Variants in GSE1 observed in about 807,000 individuals in gnomAD.
The protein encoded by GSE1 is Gse1 coiled-coil protein.
In GSE1, 32 loss-of-function variants were observed where a neutral mutation model predicts 112.6. The observed-to-expected ratio is 0.28, with a 90% CI of 0.21 to 0.38. The LOEUF is 0.38. Ranked by LOEUF, GSE1 falls within the 10% of genes least tolerant of loss-of-function variation. The pLI is 1.00. For synonymous variants in GSE1, 1,115 were observed against 735.6 expected (o/e 1.52, Z -8.35); for missense variants, 2,348 against 1,699.2 (o/e 1.38, Z -6.71).
At chr16:85,194,549 G>A in intron 1 of GSE1, among the ~76,000 whole-genome samples, 1 of 152,188 alleles carries the variant, frequency 6.6e-6, no homozygotes, top group Admixed American at 6.5e-5. Context: ...TATGGGAGGT[G>A]ACCGTGGACC....
chr16:85,293,128 C>T (rs562529787), intron 1 of GSE1, among the ~76,000 whole-genome samples: 6 of 152,240 alleles, frequency 3.9e-5, no homozygotes, highest in Non-Finnish European at 8.8e-5. Flanking sequence ...CAGCCCAGCC[C>T]CTGAGAGTCA....
chr16:85,413,382 G>A (rs1209606656), intron 2 of GSE1, among the ~76,000 whole-genome samples: 3 of 152,118 alleles, frequency 2.0e-5, no homozygotes, highest in African/African-American at 4.8e-5. Context: ...CCTGAAGTTG[G>A]GGAGATTGAT....
exon 2 of GSE1, chr16:85,357,630 C>T: frequency 2.3e-6 from 3 of 1,288,780 alleles, no homozygotes; most frequent in South Asian, 1.2e-5. Context: ...ACGGACCAGA[C>T]CTTACTGGTG....
At chr16:85,617,287 G>A (rs2048429948) in intron 1 of GSE1, among the ~76,000 whole-genome samples, 1 of 152,230 alleles carries the variant, frequency 6.6e-6, no homozygotes, top group Non-Finnish European at 1.5e-5. Context: ...CAGGCCTGGA[G>A]GAAGGAGCTG....
At chr16:85,564,779 G>T (rs190328537) in intron 1 of GSE1, among the ~76,000 whole-genome samples, 1 of 152,326 alleles carries the variant, frequency 6.6e-6, no homozygotes, top group African/African-American at 2.4e-5. Flanking sequence ...CTGTGCGGAA[G>T]GGGTAGCTGT....
intron 1 of GSE1, among the ~76,000 whole-genome samples, chr16:85,333,678 A>G (rs2046422601): frequency 6.6e-6 from 1 of 152,160 alleles, no homozygotes; most frequent in African/African-American, 2.4e-5. Context: ...AAGTCTTTGG[A>G]GCTGGGCCGG....
At chr16:85,331,581 G>GTGTATATATGTATATA (rs200833629) in intron 1 of GSE1, among the ~76,000 whole-genome samples, 1 of 114,036 alleles carries the variant, frequency 8.8e-6, no homozygotes, top group Non-Finnish European at 1.9e-5. Flanking sequence ...ATGTGTACAT[G>GTGTATATATGTATATA]TGTATATATG....
intron 1 of GSE1, among the ~76,000 whole-genome samples, chr16:85,352,004 CAA>C (rs36069464): frequency 0.24 from 36,061 of 151,596 alleles, 4,840 homozygotes; most frequent in Non-Finnish European, 0.31. Flanking sequence ...CAAAAACAAA[CAA>C]AAAAAAAACC....
chr16:85,537,081 G>T (rs369607878), intron 2 of GSE1, among the ~76,000 whole-genome samples: 27 of 152,346 alleles, frequency 1.8e-4, no homozygotes, highest in Admixed American at 1.5e-3. Context: ...CAGTGAAGCC[G>T]AGATGCAGAA....
At chr16:85,270,726 C>T (rs920704970) in intron 1 of GSE1, among the ~76,000 whole-genome samples, 1 of 126,220 alleles carries the variant, frequency 7.9e-6, no homozygotes, top group Admixed American at 7.7e-5. Context: ...AGCCCAGCTC[C>T]CGCCAGCTGG....
At chr16:85,528,638 T>TTTTTTTTTTG (rs2052441863) in intron 2 of GSE1, among the ~76,000 whole-genome samples, 1 of 145,082 alleles carries the variant, frequency 6.9e-6, no homozygotes, top group African/African-American at 2.6e-5. Flanking sequence ...GGATTGCTGT[T>TTTTTTTTTTG]TTTTGTTTTG....
At chr16:85,612,617 T>TG (rs1276741829), upstream of GSE1, among the ~76,000 whole-genome samples, 4 of 138,452 alleles carry the variant, frequency 2.9e-5, no homozygotes, top group Admixed American at 7.6e-5. Flanking sequence ...TACTTAAAAC[T>TG]GGGGGGTGGG....
chr16:85,476,774 A>ATTT (rs549006723), intron 2 of GSE1, among the ~76,000 whole-genome samples: 22 of 127,540 alleles, frequency 1.7e-4, no homozygotes, highest in African/African-American at 5.3e-4. Flanking sequence ...ACGCCTGACC[A>ATTT]TTTTTTTTTT....
chr16:85,351,288 C>A (rs2046845723), intron 1 of GSE1, among the ~76,000 whole-genome samples: 1 of 152,218 alleles, frequency 6.6e-6, no homozygotes, highest in Non-Finnish European at 1.5e-5. Flanking sequence ...AGCCCCTGGG[C>A]TGCTGTGGGT....
chr16:85,386,915 G>C (rs2047700859), intron 2 of GSE1, among the ~76,000 whole-genome samples: 1 of 152,176 alleles, frequency 6.6e-6, no homozygotes, highest in African/African-American at 2.4e-5. Flanking sequence ...GGCTTTGGCT[G>C]GGTGGACTTT....
At chr16:85,488,468 C>G (rs2050909993) in intron 2 of GSE1, among the ~76,000 whole-genome samples, 1 of 152,098 alleles carries the variant, frequency 6.6e-6, no homozygotes, top group Admixed American at 6.5e-5. Flanking sequence ...AACGCAGGGT[C>G]TTGTTGCAAG....
chr16:85,635,250 A>G (rs1278177316), intron 2 of GSE1, among the ~76,000 whole-genome samples: 1 of 151,994 alleles, frequency 6.6e-6, no homozygotes, highest in African/African-American at 2.4e-5. Flanking sequence ...GATGGGGGGT[A>G]TTGGCCCAGG....
intron 14 of GSE1, 97 bp downstream of exon 14, chr16:85,668,521 G>T: frequency 1.2e-6 from 1 of 820,430 alleles, no homozygotes; most frequent in South Asian, 1.7e-5. Flanking sequence ...GCCAGCCTGG[G>T]GACTGTTTCT....
In GSE1 at chr16:85,401,141, G is replaced by A. The variant is rs555112748; in HGVS notation, c.2464+43498G>A. On this transcript the variant is annotated intron_variant, in intron 2 of 2. Transcript: ENST00000637419. ...TTCTGAGGCCCAGCTGGGTGGGTGC[G>A]GTGCGGGGAGGGGCAATGGGGGCCC... Among the ~76,000 whole-genome samples, 167 of 152,298 alleles carry A rather than the reference G, an allele frequency of 1.1e-3. 1 individual carries two copies. Among genetic ancestry groups the A allele is most frequent in the Admixed American group, 1.7e-3 (26 of 15,306 alleles).
Sources: gnomAD v4.1 joint callset for allele counts (sites outside exome capture counted in the v4.1 genomes callset) on GRCh38, gnomAD v4.1.1 for gene constraint, MANE v1.5 for transcripts, NCBI Gene and HGNC (gene_info 2026-07-23, HGNC 2026-07-21) for gene names.